The following PDE1A variants were observed in gnomAD, a reference collection of about 807,000 sequenced individuals.
PDE1A encodes phosphodiesterase 1A, also known as dual specificity calcium/calmodulin-dependent 3',5'-cyclic nucleotide phosphodiesterase 1A.
PDE1A carries 35 observed loss-of-function variants against 61.7 expected under a neutral mutation model. The ratio of observed to expected loss-of-function variants is 0.57; its 90% CI spans 0.43 to 0.75. The LOEUF (loss-of-function observed/expected upper bound fraction) is 0.75. Among genes scored for constraint, PDE1A ranks in the 30% least tolerant of loss-of-function variants. The pLI is 0.00. For missense variants in PDE1A, 597 were observed against 630.6 expected (o/e 0.95, Z 0.57); for synonymous variants, 232 against 213.2 (o/e 1.09, Z -0.77).
the PDE1A span, among the ~76,000 whole-genome samples, chr2:182,546,113 T>C: frequency 6.6e-6 from 1 of 152,178 alleles, no homozygotes; most frequent in Non-Finnish European, 1.5e-5. Context: ...TCTCCCCTTG[T>C]TACTGAAGCA....
chr2:182,217,987 C>A (rs1396626835), intron 7 of PDE1A, among the ~76,000 whole-genome samples: 1 of 150,328 alleles, frequency 6.7e-6, no homozygotes, highest in Non-Finnish European at 1.5e-5. Flanking sequence ...TATTGCGGCA[C>A]TATTCACAAT....
chr2:182,389,887 G>A lies in PDE1A; in HGVS notation c.53+36691C>T, dbSNP rs528597430. Among the ~76,000 whole-genome samples the A allele has an allele frequency of 7.2e-5, 11 of 152,300 alleles. No individual in the cohort carries two copies. The South Asian group carries it at 2.3e-3, about 32-fold the overall frequency. ...CCTTTATCTTTCTTCTGTGCTGGAT[G>A]CTTCCTGCCCTTGAATATCGGACTC... On this transcript the variant is annotated intron_variant, in intron 1 of 13. Coordinates refer to ENST00000351439, the Ensembl canonical transcript of PDE1A.
intron 1 of PDE1A, among the ~76,000 whole-genome samples, chr2:182,344,332 GA>G (rs1676626766): frequency 6.6e-6 from 1 of 152,066 alleles, no homozygotes; most frequent in African/African-American, 2.4e-5. Context: ...ATTTTAAAAT[GA>G]AAACTCAGGA....
chr2:182,324,312 C>G (rs1167364559), intron 1 of PDE1A, among the ~76,000 whole-genome samples: 1 of 151,876 alleles, frequency 6.6e-6, no homozygotes, highest in South Asian at 2.1e-4. Context: ...ATCTAATCCA[C>G]TAAAATTTCC....
chr2:182,660,895 C>A, the PDE1A span, among the ~76,000 whole-genome samples: 9 of 152,168 alleles, frequency 5.9e-5, no homozygotes, highest in Non-Finnish European at 1.2e-4. Flanking sequence ...CCCTGGAAAC[C>A]CTGGGATAAT....
chr2:182,546,816 T>C, the PDE1A span, among the ~76,000 whole-genome samples: 1 of 152,190 alleles, frequency 6.6e-6, no homozygotes, highest in Non-Finnish European at 1.5e-5. Context: ...TGTTGTAGAA[T>C]TGAACTGAAA....
At chr2:182,685,994 G>T in the PDE1A span, among the ~76,000 whole-genome samples, 1 of 152,026 alleles carries the variant, frequency 6.6e-6, no homozygotes, top group Admixed American at 6.6e-5. Flanking sequence ...ACCACATAAC[G>T]AGCTTGATTT....
At chr2:182,507,073 A>G (rs1689459257) in intron 2 of PDE1A, among the ~76,000 whole-genome samples, 1 of 152,214 alleles carries the variant, frequency 6.6e-6, no homozygotes, top group Non-Finnish European at 1.5e-5. Context: ...ATTTTATTAG[A>G]CTATCTTTCT....
chr2:182,189,038 C>T, exon 11 of PDE1A: 1 of 1,612,378 alleles, frequency 6.2e-7, no homozygotes. Flanking sequence ...AAATGGAAGC[C>T]CTAATTCAGC....
intron 2 of PDE1A, among the ~76,000 whole-genome samples, chr2:182,516,857 G>GGGAA (rs1690231675): frequency 6.7e-6 from 1 of 148,648 alleles, no homozygotes; most frequent in Non-Finnish European, 1.5e-5. Context: ...GAGGGAGGGA[G>GGGAA]GGAGGGAGGA....
the PDE1A span, among the ~76,000 whole-genome samples, chr2:182,542,980 A>G: frequency 6.6e-6 from 1 of 152,170 alleles, no homozygotes; most frequent in African/African-American, 2.4e-5. Context: ...TTGCTTCCAC[A>G]TCTCGTTTTT....
intron 7 of PDE1A, among the ~76,000 whole-genome samples, chr2:182,219,707 A>G (rs79414207): frequency 0.031 from 4,723 of 152,196 alleles, 235 homozygotes; most frequent in African/African-American, 0.11. Context: ...AGTCCTAGTT[A>G]TAACCTAGCA....
At chr2:182,460,025 T>G (rs1449314961) in intron 2 of PDE1A, among the ~76,000 whole-genome samples, 3 of 152,124 alleles carry the variant, frequency 2.0e-5, no homozygotes, top group African/African-American at 7.2e-5. Context: ...TCTTTTGTTC[T>G]TCCTTCTTCC....
At chr2:182,507,512 A>C in intron 2 of PDE1A, among the ~76,000 whole-genome samples, 1 of 152,104 alleles carries the variant, frequency 6.6e-6, no homozygotes, top group East Asian at 1.9e-4. Flanking sequence ...CAGAGAGCTT[A>C]AACTCCAGTG....
chr2:182,646,290 A>T, the PDE1A span, among the ~76,000 whole-genome samples: 2 of 151,276 alleles, frequency 1.3e-5, no homozygotes, highest in Admixed American at 6.6e-5. Flanking sequence ...TTTACTAAAA[A>T]TACATTAAAA....
At chr2:182,448,276 C>A (rs1433340279) in intron 2 of PDE1A, among the ~76,000 whole-genome samples, 3 of 152,024 alleles carry the variant, frequency 2.0e-5, no homozygotes, top group Non-Finnish European at 4.4e-5. Flanking sequence ...CATTTTGGAG[C>A]ACATGTTTCT....
the PDE1A span, among the ~76,000 whole-genome samples, chr2:182,555,703 C>T: frequency 1.3e-5 from 2 of 151,958 alleles, no homozygotes; most frequent in African/African-American, 2.4e-5. Context: ...TGGTGGGTCA[C>T]GCCTATAATA....
intron 1 of PDE1A, among the ~76,000 whole-genome samples, chr2:182,354,554 T>G (rs547369559): frequency 6.5e-4 from 99 of 152,122 alleles, no homozygotes; most frequent in Non-Finnish European, 1.3e-3. Flanking sequence ...CAGAACAACT[T>G]GGCAGATAAG....
the PDE1A span, among the ~76,000 whole-genome samples, chr2:182,633,767 C>T: frequency 1.3e-5 from 2 of 152,048 alleles, no homozygotes; most frequent in African/African-American, 4.8e-5. Flanking sequence ...TCTCACAACA[C>T]GTAAGTCCAA....
Sources: allele counts gnomAD v4.1 joint callset (sites outside exome capture counted in the v4.1 genomes callset), GRCh38; gene constraint gnomAD v4.1.1; transcripts MANE v1.5; gene names NCBI Gene and HGNC (gene_info 2026-07-23, HGNC 2026-07-21).